Variants in NELL1 observed in about 807,000 individuals in gnomAD.
NELL1 encodes the protein neural EGFL like 1.
In NELL1, 76 loss-of-function variants were observed where a neutral mutation model predicts 107.4. That is an observed-to-expected ratio of 0.71 (90% CI 0.59 to 0.86). The LOEUF is 0.86. Ranked by LOEUF, NELL1 falls within the 40% of genes least tolerant of loss-of-function variation. NELL1 has a pLI of 0.00. For synonymous variants in NELL1, 353 were observed against 341.2 expected (o/e 1.03, Z -0.38); for missense variants, 1,024 against 1,005.5 (o/e 1.02, Z -0.25).
chr11:21,213,696 T>C (rs944586180), intron 13 of NELL1, among the ~76,000 whole-genome samples: 3 of 152,090 alleles, frequency 2.0e-5, no homozygotes, highest in Admixed American at 6.5e-5. Context: ...AATACAAATA[T>C]AACAAATTGG....
chr11:21,039,168 C>A (rs79723169), intron 12 of NELL1, among the ~76,000 whole-genome samples: 3,372 of 151,978 alleles, frequency 0.022, 135 homozygotes, highest in African/African-American at 0.077. Flanking sequence ...AAGAATGACT[C>A]CAGGAATTTT....
At position 21,163,399 on chromosome 11, in the gene NELL1, G is replaced by C. The variant is rs78784552; in HGVS notation, c.1426+49685G>C. On this transcript the variant is annotated intron_variant, in intron 13 of 19. Transcript: ENST00000357134. ...AGCTTTTAGAATAGTCTGGAGGAAG[G>C]ATGATGATAGTCAGAAGTAAATCAA... 7.6e-4 allele frequency among the ~76,000 whole-genome samples: 116 copies of C among 152,312 alleles called. 2 individuals are homozygous for C. In the East Asian group the frequency reaches 0.012, roughly 15 times the overall value.
Position 20,832,126 on chromosome 11 carries a change from A to G in NELL1, c.336-15457A>G, listed in dbSNP as rs1048213921. 3.9e-5 allele frequency among the ~76,000 whole-genome samples: 6 copies of G among 152,212 alleles called. No homozygotes were observed. The South Asian group carries it at 1.2e-3, about 31-fold the overall frequency. ...AATGGCCCCCTGAGATATTTACTAC[A>G]TAGCCCTCACCTGTTTCAGTGTCTC... On this transcript the variant is annotated intron_variant, in intron 3 of 19. Transcript: ENST00000357134.
intron 12 of NELL1, among the ~76,000 whole-genome samples, chr11:21,005,819 G>A (rs1192750744): frequency 2.0e-5 from 3 of 152,160 alleles, no homozygotes; most frequent in Admixed American, 6.6e-5. Flanking sequence ...GTGCCACCAC[G>A]GTATACTTAT....
At chr11:21,124,837 G>A (rs1051252202) in intron 13 of NELL1, among the ~76,000 whole-genome samples, 3 of 152,040 alleles carry the variant, frequency 2.0e-5, no homozygotes, top group Non-Finnish European at 4.4e-5. Flanking sequence ...CCAACCTCAG[G>A]TGATCTGCCT....
chr11:21,370,501 A>T (rs1185171118), intron 14 of NELL1, among the ~76,000 whole-genome samples: 3 of 152,100 alleles, frequency 2.0e-5, no homozygotes, highest in Non-Finnish European at 4.4e-5. Flanking sequence ...AACATTAGAA[A>T]GGCCTTTACC....
intron 12 of NELL1, among the ~76,000 whole-genome samples, chr11:21,024,179 G>A (rs1284538161): frequency 1.3e-5 from 2 of 152,084 alleles, no homozygotes; most frequent in Non-Finnish European, 2.9e-5. Context: ...GGAAATTTTA[G>A]GAATGCACTG....
At chr11:21,116,330 C>T (rs1243470857) in intron 13 of NELL1, among the ~76,000 whole-genome samples, 5 of 151,630 alleles carry the variant, frequency 3.3e-5, no homozygotes, top group Non-Finnish European at 4.4e-5. Flanking sequence ...GAGTACCCTC[C>T]GGTTCTATCC....
chr11:21,459,409 A>G (rs1853842294), intron 15 of NELL1, among the ~76,000 whole-genome samples: 1 of 151,782 alleles, frequency 6.6e-6, no homozygotes, highest in Non-Finnish European at 1.5e-5. Context: ...GCAATAAATG[A>G]AGCTGAATGG....
chr11:21,311,212 C>T (rs1415877170), intron 14 of NELL1, among the ~76,000 whole-genome samples: 1 of 152,098 alleles, frequency 6.6e-6, no homozygotes, highest in Non-Finnish European at 1.5e-5. Flanking sequence ...TCTCTTTAGT[C>T]AATTTTTGTA....
chr11:20,676,813 C>T (rs187801143), intron 1 of NELL1, among the ~76,000 whole-genome samples: 1 of 152,184 alleles, frequency 6.6e-6, no homozygotes, highest in African/African-American at 2.4e-5. Context: ...ACTGCATTAC[C>T]ATCAGATGAG....
At chr11:21,510,128 G>A (rs995405310) in intron 15 of NELL1, among the ~76,000 whole-genome samples, 4 of 152,196 alleles carry the variant, frequency 2.6e-5, no homozygotes, top group African/African-American at 9.7e-5. Context: ...GGTAGGCGGG[G>A]AGGACTTTAC....
chr11:21,227,631 G>A (rs12800962), intron 13 of NELL1, among the ~76,000 whole-genome samples: 71,054 of 151,960 alleles, frequency 0.47, 16,938 homozygotes, highest in Middle Eastern at 0.52. Flanking sequence ...TTGTAAATTC[G>A]AGTGGACATG....
intron 12 of NELL1, among the ~76,000 whole-genome samples, chr11:21,082,071 C>T (rs2133672466): frequency 6.6e-6 from 1 of 152,238 alleles, no homozygotes; most frequent in Non-Finnish European, 1.5e-5. Context: ...AATACTTCAC[C>T]TGTATTGCCT....
chr11:20,922,674 C>A (rs535028760), intron 7 of NELL1, among the ~76,000 whole-genome samples: 1 of 151,790 alleles, frequency 6.6e-6, no homozygotes, highest in Non-Finnish European at 1.5e-5. Flanking sequence ...CCAGCAGTTC[C>A]GATTAAGATG....
At chr11:21,309,420 A>G (rs1488307632) in intron 14 of NELL1, among the ~76,000 whole-genome samples, 1 of 151,032 alleles carries the variant, frequency 6.6e-6, no homozygotes, top group Non-Finnish European at 1.5e-5. Flanking sequence ...CTACTTCCAC[A>G]ATAAGAAATG....
At chr11:21,293,352 A>G (rs1394657169) in intron 14 of NELL1, among the ~76,000 whole-genome samples, 1 of 152,234 alleles carries the variant, frequency 6.6e-6, no homozygotes, top group Non-Finnish European at 1.5e-5. Context: ...ACTGGTCATT[A>G]GAGAAATACA....
At chr11:21,368,219 A>G (rs924588655) in intron 14 of NELL1, among the ~76,000 whole-genome samples, 3 of 152,114 alleles carry the variant, frequency 2.0e-5, no homozygotes, top group African/African-American at 4.8e-5. Context: ...GATAAAGATC[A>G]TTAAAAATAA....
At chr11:20,782,981 C>T (rs377662752) in intron 2 of NELL1, among the ~76,000 whole-genome samples, 3 of 152,282 alleles carry the variant, frequency 2.0e-5, no homozygotes, top group South Asian at 2.1e-4. Flanking sequence ...CCTGCTGAAT[C>T]GGCCTCAACT....
Sources: gnomAD v4.1 joint callset for allele counts (sites outside exome capture counted in the v4.1 genomes callset) on GRCh38, gnomAD v4.1.1 for gene constraint, MANE v1.5 for transcripts, NCBI Gene and HGNC (gene_info 2026-07-23, HGNC 2026-07-21) for gene names.